The following DIP2B variants were observed in gnomAD, a reference collection of about 807,000 sequenced individuals.
DIP2B encodes DIP2 acetate--CoA ligase B (putative), also known as disco-interacting protein 2 homolog B.
Under a neutral mutation model 198.0 loss-of-function variants are expected in DIP2B, and 76 were observed. That is an observed-to-expected ratio of 0.38 (90% CI 0.32 to 0.46). The LOEUF (loss-of-function observed/expected upper bound fraction) is 0.46. Ranked by LOEUF, DIP2B falls within the 20% of genes least tolerant of loss-of-function variation. The pLI is 0.99. For synonymous variants in DIP2B, 701 were observed against 739.1 expected, an observed-to-expected ratio of 0.95 and a Z score of 0.84; for missense variants, 1,559 against 1,978.4, an observed-to-expected ratio of 0.79 and a Z score of 4.02.
chr12:50,580,318 T>C (rs1958712874), intron 1 of DIP2B, among the ~76,000 whole-genome samples: 1 of 148,836 alleles, frequency 6.7e-6, no homozygotes, highest in South Asian at 2.2e-4. Context: ...GGTAAAGGGC[T>C]CCAGTTTCCT....
Position 50,691,153 on chromosome 12 carries a change from T to G in DIP2B, c.1654+2T>G. ...CGCAGGCCTGCAATTATTCTGAAGG[T>G]CAGACCTCATCCCATGACTGCCCTC... On this transcript the variant is annotated splice_donor_variant, in intron 13 of 37. Coordinates refer to ENST00000301180, the MANE Select transcript of DIP2B (RefSeq NM_173602.3). LOFTEE classifies it high-confidence loss of function. The G allele has an allele frequency of 6.2e-7, 1 of 1,613,722 alleles. No individual in the cohort carries two copies. The highest frequency in any genetic ancestry group is 8.5e-7 in the Non-Finnish European group (1 of 1,179,712).
intron 1 of DIP2B, among the ~76,000 whole-genome samples, chr12:50,516,033 A>G (rs1958060224): frequency 6.6e-6 from 1 of 152,224 alleles, no homozygotes; most frequent in Admixed American, 6.5e-5. Flanking sequence ...TCATAGATCA[A>G]GAAGTCAGAA....
At chr12:50,507,162 CATGGTTTGCTTTCCAATG>C (rs960661231) in intron 1 of DIP2B, among the ~76,000 whole-genome samples, 8 of 152,202 alleles carry the variant, frequency 5.3e-5, no homozygotes, top group Admixed American at 4.6e-4. Context: ...AGGACAAGTG[CATGGTTTGCTTTCCAATG>C]AAGGATTATT....
chr12:50,535,892 C>G (rs1422142284), intron 1 of DIP2B, among the ~76,000 whole-genome samples: 177 of 112,114 alleles, frequency 1.6e-3, no homozygotes, highest in South Asian at 3.7e-3. Context: ...TGTTCCCCTT[C>G]CTGTGTCCAT....
chr12:50,661,617 G>A (rs1427469309), intron 4 of DIP2B, among the ~76,000 whole-genome samples: 1 of 152,172 alleles, frequency 6.6e-6, no homozygotes, highest in Non-Finnish European at 1.5e-5. Context: ...CTATAATGGT[G>A]CATACCTCAA....
chr12:50,530,353 T>TA (rs1387739808), intron 1 of DIP2B, among the ~76,000 whole-genome samples: 1 of 152,232 alleles, frequency 6.6e-6, no homozygotes, highest in East Asian at 1.9e-4. Context: ...GTGCTGGGAT[T>TA]ACAGGCGTGA....
intron 1 of DIP2B, among the ~76,000 whole-genome samples, chr12:50,604,759 C>T (rs560671622): frequency 1.1e-4 from 16 of 152,130 alleles, no homozygotes; most frequent in Non-Finnish European, 2.1e-4. Context: ...GCATTGTTGA[C>T]AGATGAAGCG....
In DIP2B at chr12:50,540,740, G is replaced by A. The variant is rs190511458; in HGVS notation, c.100+35500G>A. Among the ~76,000 whole-genome samples the A allele has an allele frequency of 7.5e-3, 1,127 of 150,702 alleles. 53 individuals are homozygous for A. The highest frequency in any genetic ancestry group is 0.071 in the Admixed American group (1,073 of 15,066). On this transcript the variant is annotated intron_variant, in intron 1 of 37. Transcript: ENST00000301180. ...ATTTTTTGTATTTTTTAGTAGAGAC[G>A]GGGTTTCACCGTGGTCTCGATCTCC... is the stretch of plus-strand genomic sequence containing the variant.
chr12:50,746,865 A>G lies in DIP2B; in HGVS notation c.*2026A>G, dbSNP rs1940347710. Reference sequence around the variant, plus strand: ...CCCAAGTTCTAAAAGTTATGGTTAGATGCTATTCTGTGGGTTGCTTTGATA... The same window carrying G: ...CCCAAGTTCTAAAAGTTATGGTTAGGTGCTATTCTGTGGGTTGCTTTGATA... On this transcript the variant is annotated 3_prime_UTR_variant, in exon 38 of 38. Coordinates refer to ENST00000301180, the MANE Select transcript of DIP2B (RefSeq NM_173602.3). 6.6e-6 allele frequency: 1 copy of G among 152,216 alleles called. No homozygotes were observed. Among genetic ancestry groups the G allele is most frequent in the African/African-American group, 2.4e-5 (1 of 41,456 alleles). 9.4% of individuals were successfully genotyped at this position (152,216 alleles called of 1,614,324 possible). A position where few individuals can be genotyped will look rare whatever the true frequency, so the allele number is the denominator to read the frequency against.
intron 19 of DIP2B, among the ~76,000 whole-genome samples, chr12:50,699,451 G>T (rs574014450): frequency 6.6e-6 from 1 of 152,300 alleles, no homozygotes; most frequent in South Asian, 2.1e-4. Flanking sequence ...TCATAGGATT[G>T]TTGTGAGCAC....
intron 1 of DIP2B, among the ~76,000 whole-genome samples, chr12:50,595,581 A>G (rs547701146): frequency 1.1e-3 from 169 of 152,328 alleles, no homozygotes; most frequent in Non-Finnish European, 6.6e-4. Context: ...CTAGGATTAC[A>G]GGCATGAGCC....
chr12:50,635,710 T>C (rs1938148252), intron 2 of DIP2B, among the ~76,000 whole-genome samples: 1 of 152,214 alleles, frequency 6.6e-6, no homozygotes, highest in South Asian at 2.1e-4. Context: ...TAATGCCTCC[T>C]GGAGTAGTCT....
At chr12:50,606,894 C>T (rs1293457437) in intron 1 of DIP2B, among the ~76,000 whole-genome samples, 1 of 151,824 alleles carries the variant, frequency 6.6e-6, no homozygotes, top group East Asian at 1.9e-4. Context: ...GTAGCTTTGA[C>T]CTTCTGGGCT....
intron 29 of DIP2B, 99 bp downstream of exon 29, chr12:50,727,911 AC>A: frequency 1.0e-6 from 1 of 956,390 alleles, no homozygotes; most frequent in Non-Finnish European, 1.6e-6. Flanking sequence ...TGTACCAGAG[AC>A]CGGTAGGCAG....
At chr12:50,723,810 C>A (rs11169530) in intron 27 of DIP2B, among the ~76,000 whole-genome samples, 29,779 of 152,080 alleles carry the variant, frequency 0.2, 3,555 homozygotes, top group Non-Finnish European at 0.28. Context: ...ATTTTTCCTG[C>A]AAAATTATCT....
At chr12:50,525,929 A>G (rs1958160331) in intron 1 of DIP2B, among the ~76,000 whole-genome samples, 1 of 152,076 alleles carries the variant, frequency 6.6e-6, no homozygotes, top group Non-Finnish European at 1.5e-5. Context: ...AACCCCTCCC[A>G]TCATTCTTCA....
chr12:50,627,932 G>A (rs977364850), intron 2 of DIP2B, among the ~76,000 whole-genome samples: 1 of 152,088 alleles, frequency 6.6e-6, no homozygotes, highest in Non-Finnish European at 1.5e-5. Context: ...CCTGGCCAAG[G>A]ACAGTCCTTC....
At chr12:50,514,534 A>T (rs1958047128) in intron 1 of DIP2B, among the ~76,000 whole-genome samples, 1 of 151,146 alleles carries the variant, frequency 6.6e-6, no homozygotes, top group Non-Finnish European at 1.5e-5. Context: ...CCATGTTCTT[A>T]CTCTCATCTC....
At chr12:50,658,489 TATTTTTAGGAAATATGTTTG>T (rs1938591321) in intron 3 of DIP2B, among the ~76,000 whole-genome samples, 1 of 152,220 alleles carries the variant, frequency 6.6e-6, no homozygotes, top group Admixed American at 6.5e-5. Flanking sequence ...GAAAATTCCT[TATTTTTAGGAAATATGTTTG>T]AAACATTTCT....
Sources: gnomAD v4.1 joint callset for allele counts (sites outside exome capture counted in the v4.1 genomes callset) on GRCh38, gnomAD v4.1.1 for gene constraint, MANE v1.5 for transcripts, NCBI Gene and HGNC (gene_info 2026-07-23, HGNC 2026-07-21) for gene names.